EVPLL: variants seen among roughly 807,000 people sequenced by gnomAD.
EVPLL encodes envoplakin-like protein.
In EVPLL, 39 loss-of-function variants were observed where a neutral mutation model predicts 46.2. That is an observed-to-expected ratio of 0.84 (90% CI 0.65 to 1.10). EVPLL has a LOEUF of 1.10. Among genes scored for constraint, EVPLL ranks in the 50% least tolerant of loss-of-function variants. The probability of loss-of-function intolerance (pLI) is 0.00; values close to 1 mark genes in which losing one functional copy is unlikely to be tolerated. For synonymous variants in EVPLL, 156 were observed against 165.8 expected (o/e 0.94, Z 0.46); for missense variants, 385 against 412.6 (o/e 0.93, Z 0.58).
intron 1 of EVPLL, 48 bp from the exon 2 acceptor site, chr17:18,380,852 CAG>C: frequency 6.7e-7 from 1 of 1,489,954 alleles, no homozygotes; most frequent in Admixed American, 2.0e-5. Flanking sequence ...GGATGGGGCA[CAG>C]AGGGGCCTCT....
intron 9 of EVPLL, among the ~76,000 whole-genome samples, chr17:18,384,463 C>T (rs1567812626): frequency 6.6e-6 from 1 of 151,378 alleles, no homozygotes; most frequent in Non-Finnish European, 1.5e-5. Context: ...GGTGCAATAC[C>T]TCATGCCTGC....
At chr17:18,388,559 C>A (rs1987851235) in intron 10 of EVPLL, 1 of 236,190 alleles carries the variant, frequency 4.2e-6, no homozygotes, top group Admixed American at 5.6e-5. Flanking sequence ...CACATCACTG[C>A]CCCCTTTGAG....
intron 1 of EVPLL, 110 bp from the exon 2 acceptor site, chr17:18,380,792 C>A (rs1987537760): frequency 6.6e-6 from 6 of 911,090 alleles, no homozygotes; most frequent in Non-Finnish European, 1.0e-5. Context: ...GGGCAGTGTG[C>A]TAGGCTGTGG....
At chr17:18,386,295 T>C (rs1291487339) in intron 9 of EVPLL, 1 of 152,172 alleles carries the variant, frequency 6.6e-6, no homozygotes, top group Non-Finnish European at 1.5e-5. Context: ...GGGCACCCCC[T>C]ACTGATCTCA....
intron 1 of EVPLL, among the ~76,000 whole-genome samples, 194 bp downstream of exon 1, chr17:18,378,177 C>T (rs1987443803): frequency 6.6e-6 from 1 of 152,234 alleles, no homozygotes; most frequent in Admixed American, 6.5e-5. Flanking sequence ...CGAACTTCAG[C>T]CCTGGCAGGA....
chr17:18,379,256 C>G (rs910836830), intron 1 of EVPLL, among the ~76,000 whole-genome samples: 9 of 152,336 alleles, frequency 5.9e-5, no homozygotes, highest in Non-Finnish European at 1.3e-4. Flanking sequence ...GAGGCAGCAG[C>G]CCGCCTGGGT....
rs746230289 is a variant in EVPLL, at chr17:18,388,249, C to G, written c.*1C>G. 6.8e-7 allele frequency: 1 copy of G among 1,472,228 alleles called. No homozygotes were observed. The highest frequency in any genetic ancestry group is 1.2e-5 in the South Asian group (1 of 82,292). 91.2% of individuals were successfully genotyped at this position (1,472,228 alleles called of 1,614,324 possible). On this transcript the variant is annotated 3_prime_UTR_variant, in exon 10 of 11. Coordinates refer to ENST00000399134, the MANE Select transcript of EVPLL (RefSeq NM_001145127.2). ...GTGTCCATCTTCCTCTCCTCATTGA[C>G]TCTGCATGAAGGGGATTTCTGGTGG... is the stretch of plus-strand genomic sequence containing the variant.
chr17:18,382,693 C>T, intron 5 of EVPLL, 55 bp downstream of exon 5: 1 of 1,552,728 alleles, frequency 6.4e-7, no homozygotes, highest in Non-Finnish European at 8.7e-7. Flanking sequence ...CCTGTTTTTC[C>T]AGTCAGAGCC....
In EVPLL at chr17:18,383,336, G is replaced by C; in HGVS notation, c.738G>C (p.Lys246Asn). 2 of 1,605,408 alleles carry C rather than the reference G, an allele frequency of 1.2e-6. No individual in the cohort carries two copies. Among genetic ancestry groups the C allele is most frequent in the Non-Finnish European group, 8.5e-7 (1 of 1,176,804 alleles). The change falls in exon 8 of 11, where the codon AAG (lysine) becomes AAC (asparagine). Residue 246 changes from lysine (K) to asparagine (N), a missense_variant. Lys to Asn is a moderately conservative substitution (Grantham distance 94). Coordinates refer to ENST00000399134, the MANE Select transcript of EVPLL (RefSeq NM_001145127.2). Reference sequence around the variant, plus strand: ...TAAACCAGCTGGAGGAGGACGGCAAGCGCATGGTGGAGCTGCGGCACCCCG... The same window carrying C: ...TAAACCAGCTGGAGGAGGACGGCAACCGCATGGTGGAGCTGCGGCACCCCG... The part of the protein sequence containing the change: ...QSVNQLEEDG[K>N]RMVELRHPAV...
intron 9 of EVPLL, among the ~76,000 whole-genome samples, chr17:18,387,121 A>G (rs35379927): frequency 0.58 from 82,592 of 142,754 alleles, 23,878 homozygotes; most frequent in African/African-American, 0.64. Context: ...GGATGGTCTC[A>G]ATCTCCTGAC....
rs1987554415 is a variant in EVPLL at position 18,381,127 on chromosome 17, G to A, written c.63+127G>A. 1 of 1,261,724 alleles carries A rather than the reference G, an allele frequency of 7.9e-7. No homozygotes were observed. 78.2% of individuals were successfully genotyped at this position (1,261,724 alleles called of 1,614,324 possible). The stretch of plus-strand genomic sequence containing the variant: ...AGATGGGACAGATGACATTTGTCCT[G>A]CACCGCCTGTCCCCTAACACACGGT... On this transcript the variant is annotated intron_variant, in intron 2 of 10. Transcript: ENST00000399134. The surrounding 1 kb of genome is among the most constrained non-coding windows in gnomAD (Gnocchi z 4.2).
rs1460863890 is a variant in EVPLL at position 18,381,938 on chromosome 17, G to A, written c.346+208G>A. On this transcript the variant is annotated intron_variant, in intron 4 of 10. Transcript: ENST00000399134. This position sits in a 1 kb window ranked among gnomAD's most constrained non-coding sequence, Gnocchi z 4.2. ...AGACCTCAGAGGGGTGAGAGGGCTC[G>A]GTTGGGTCAGGGTGAAGTAGTGAGG... 1.1e-5 allele frequency: 8 copies of A among 752,730 alleles called. No homozygotes were observed. The highest frequency in any genetic ancestry group is 7.0e-5 in the African/African-American group (4 of 56,786). 46.6% of individuals were successfully genotyped at this position (752,730 alleles called of 1,614,324 possible).
chr17:18,378,881 C>A (rs1016829895), intron 1 of EVPLL, among the ~76,000 whole-genome samples: 8 of 151,804 alleles, frequency 5.3e-5, no homozygotes, highest in African/African-American at 1.9e-4. Flanking sequence ...AGTTGGAGAC[C>A]AGCCTGGGCA....
chr17:18,377,784 C>T lies in EVPLL; in HGVS notation c.-236C>T, dbSNP rs1987428204. On this transcript the variant is annotated 5_prime_UTR_variant, in exon 1 of 11. Transcript: ENST00000399134. ...TGCCCAGCCGCCCCACCTTGCCAGA[C>T]TTAGCTGACCAGCCAGCAAGGACGC... is the stretch of plus-strand genomic sequence containing the variant. 1.8e-6 allele frequency: 1 copy of T among 560,336 alleles called. No individual in the cohort carries two copies. Among genetic ancestry groups the T allele is most frequent in the Non-Finnish European group, 3.1e-6 (1 of 322,590 alleles). The allele number at this position is 560,336 out of a possible 1,614,324, so 34.7% of individuals were successfully genotyped here.
In EVPLL at chr17:18,380,923, C is replaced by T. The variant is rs1195984407; in HGVS notation, c.-15C>T. 1.8e-5 allele frequency: 29 copies of T among 1,582,808 alleles called. No homozygotes were observed. The highest frequency in any genetic ancestry group is 2.5e-5 in the Non-Finnish European group (29 of 1,165,406). On this transcript the variant is annotated 5_prime_UTR_variant, in exon 2 of 11. Transcript: ENST00000399134. ...CAAGAATGCCACCCAGGAGCTGACCCTGCTCATCTCCCACATGCAAGCCAG... is the reference window on the plus strand; with the variant it reads ...CAAGAATGCCACCCAGGAGCTGACCTTGCTCATCTCCCACATGCAAGCCAG...
In EVPLL at chr17:18,383,847, C is replaced by T; in HGVS notation, c.876+260C>T. The T allele has an allele frequency of 9.2e-6, 4 of 434,282 alleles. No individual in the cohort carries two copies. In the South Asian group the frequency reaches 9.6e-5, roughly 10 times the overall value. The allele number at this position is 434,282 out of a possible 1,614,324, so 26.9% of individuals were successfully genotyped here. A position where few individuals can be genotyped will look rare whatever the true frequency, so the allele number is the denominator to read the frequency against. Reference sequence around the variant, plus strand: ...AATTAGCTAGAGGTGGTGGCACGCGCCTGTAATCCCAGCTACTCAGGAGGC... The same window carrying T: ...AATTAGCTAGAGGTGGTGGCACGCGTCTGTAATCCCAGCTACTCAGGAGGC... On this transcript the variant is annotated intron_variant, in intron 9 of 10. Coordinates refer to ENST00000399134, the MANE Select transcript of EVPLL (RefSeq NM_001145127.2).
Position 18,382,586 on chromosome 17 carries a change from T to TG in EVPLL, c.421dup (p.Ala141GlyfsTer31). On this transcript the variant is annotated frameshift_variant, in exon 5 of 11. Transcript: ENST00000399134. LOFTEE classifies it high-confidence loss of function. ...GAACAGATCGCGGAGCTCAACATCG[T>TG]GCAGAAGGAGATCAACGACCAAGGA... The TG allele has an allele frequency of 1.3e-6, 2 of 1,551,782 alleles. No individual in the cohort carries two copies. Among genetic ancestry groups the TG allele is most frequent in the Non-Finnish European group, 1.7e-6 (2 of 1,146,998 alleles).
chr17:18,380,818 G>T, intron 1 of EVPLL, 84 bp from the exon 2 acceptor site: 1 of 1,168,508 alleles, frequency 8.6e-7, no homozygotes, highest in Non-Finnish European at 1.2e-6. Flanking sequence ...GGATGGGGTG[G>T]AGAGAGGGCA....
At chr17:18,383,928 G>A (rs1025458689) in intron 9 of EVPLL, among the ~76,000 whole-genome samples, 2 of 152,056 alleles carry the variant, frequency 1.3e-5, no homozygotes, top group Non-Finnish European at 2.9e-5. Flanking sequence ...GGCCGAGAAT[G>A]GTCCACTGCA....
Sources: allele counts gnomAD v4.1 joint callset (sites outside exome capture counted in the v4.1 genomes callset), GRCh38; gene constraint gnomAD v4.1.1; non-coding constraint Gnocchi (gnomAD v3.1); transcripts MANE v1.5; gene names NCBI Gene and HGNC (gene_info 2026-07-23, HGNC 2026-07-21).